DNAAF9: variants seen among roughly 807,000 people sequenced by gnomAD.
The protein encoded by DNAAF9 is dynein axonemal assembly factor 9.
DNAAF9 carries 90 observed loss-of-function variants against 167.0 expected under a neutral mutation model. That is an observed-to-expected ratio of 0.54 (90% CI 0.45 to 0.64). The LOEUF is 0.64. DNAAF9 is among the 30% of genes least tolerant of loss of function. The pLI is 0.00. For synonymous variants in DNAAF9, 491 were observed against 508.8 expected (o/e 0.96, Z 0.47); for missense variants, 1,315 against 1,442.2 (o/e 0.91, Z 1.43).
intron 1 of DNAAF9, among the ~76,000 whole-genome samples, chr20:3,397,598 G>A (rs1340631065): frequency 3.3e-5 from 5 of 152,150 alleles, no homozygotes; most frequent in African/African-American, 1.2e-4. Flanking sequence ...GATTACAGGC[G>A]TGAGCCACCA....
intron 31 of DNAAF9, among the ~76,000 whole-genome samples, chr20:3,260,598 G>GA (rs2068367323): frequency 7.1e-6 from 1 of 140,472 alleles, no homozygotes; most frequent in African/African-American, 2.8e-5. Flanking sequence ...TCCTGGTACG[G>GA]TGGGGGGCTC....
At chr20:3,328,869 CTTT>C (rs572740669) in intron 12 of DNAAF9, among the ~76,000 whole-genome samples, 61 of 136,790 alleles carry the variant, frequency 4.5e-4, no homozygotes, top group Admixed American at 7.4e-4. Context: ...CACAATTTTC[CTTT>C]TTTTTTTTTT....
intron 12 of DNAAF9, among the ~76,000 whole-genome samples, chr20:3,328,070 C>T (rs2069745021): frequency 1.3e-5 from 2 of 152,212 alleles, no homozygotes; most frequent in South Asian, 4.1e-4. Flanking sequence ...GGTACCAACA[C>T]TGGTCAGGCC....
chr20:3,355,930 A>C (rs2083280447), intron 7 of DNAAF9, among the ~76,000 whole-genome samples: 1 of 151,772 alleles, frequency 6.6e-6, no homozygotes, highest in African/African-American at 2.4e-5. Flanking sequence ...TTTTTGTTTT[A>C]AGCTAATTTC....
At chr20:3,376,776 G>C (rs1242213620) in intron 3 of DNAAF9, among the ~76,000 whole-genome samples, 1 of 152,174 alleles carries the variant, frequency 6.6e-6, no homozygotes, top group Non-Finnish European at 1.5e-5. Flanking sequence ...TAAAGATCTG[G>C]AATCAGGGCT....
At chr20:3,336,775 C>T (rs1327129439) in intron 10 of DNAAF9, among the ~76,000 whole-genome samples, 1 of 151,758 alleles carries the variant, frequency 6.6e-6, no homozygotes, top group African/African-American at 2.4e-5. Context: ...TGGTCTTGAA[C>T]TCCTGACCTC....
chr20:3,401,059 C>T (rs6115872), intron 1 of DNAAF9, among the ~76,000 whole-genome samples: 6,871 of 152,090 alleles, frequency 0.045, 448 homozygotes, highest in East Asian at 0.16. Context: ...CCATCTGTAC[C>T]GTAGTTATTA....
At chr20:3,334,354 A>G (rs1238268582) in intron 10 of DNAAF9, among the ~76,000 whole-genome samples, 1 of 152,118 alleles carries the variant, frequency 6.6e-6, no homozygotes, top group Non-Finnish European at 1.5e-5. Flanking sequence ...TCCCTCTCCA[A>G]ATGAATAGTT....
At chr20:3,308,497 C>G (rs1218208735) in intron 20 of DNAAF9, among the ~76,000 whole-genome samples, 1 of 151,482 alleles carries the variant, frequency 6.6e-6, no homozygotes, top group African/African-American at 2.4e-5. Flanking sequence ...CATGCGCCAC[C>G]ACGGTCCAGC....
intron 6 of DNAAF9, among the ~76,000 whole-genome samples, chr20:3,369,508 C>T (rs913997927): frequency 2.0e-5 from 3 of 152,014 alleles, no homozygotes; most frequent in Admixed American, 6.5e-5. Flanking sequence ...TCCCAGGTAG[C>T]TGGGACTACA....
intron 7 of DNAAF9, among the ~76,000 whole-genome samples, chr20:3,356,849 CCAA>C (rs2123165861): frequency 6.6e-6 from 1 of 151,964 alleles, no homozygotes; most frequent in South Asian, 2.1e-4. Context: ...ATGACCAGGG[CCAA>C]CATCAGTGTA....
At chr20:3,343,999 CAAAAAAGA>C (rs904072896) in intron 8 of DNAAF9, among the ~76,000 whole-genome samples, 12 of 149,828 alleles carry the variant, frequency 8.0e-5, no homozygotes, top group Non-Finnish European at 1.5e-4. Context: ...AAAATAATAC[CAAAAAAGA>C]AAAAAAGACA....
chr20:3,373,686 AG>A (rs1245204241), intron 6 of DNAAF9, among the ~76,000 whole-genome samples: 7 of 152,220 alleles, frequency 4.6e-5, no homozygotes, highest in African/African-American at 1.7e-4. Flanking sequence ...TACAAAGACC[AG>A]GGTGGATGGG....
chr20:3,289,677 G>A (rs1354425527), intron 26 of DNAAF9, among the ~76,000 whole-genome samples: 2 of 151,880 alleles, frequency 1.3e-5, no homozygotes, highest in East Asian at 1.9e-4. Context: ...ATGCCACCAC[G>A]TTCGGCTAAT....
chr20:3,319,741 A>G lies in DNAAF9; in HGVS notation c.1357-1341T>C, dbSNP rs150869404. On this transcript the variant is annotated intron_variant, in intron 16 of 36. Coordinates refer to ENST00000252032, the MANE Select transcript of DNAAF9 (RefSeq NM_001009984.3). Reference sequence around the variant, plus strand: ...TAAAGAGGCCACAAGGTTGAAAGGAAAAAAACCACAGTTAAGGCCAAAGCC... The same window carrying G: ...TAAAGAGGCCACAAGGTTGAAAGGAGAAAAACCACAGTTAAGGCCAAAGCC... 1.6e-3 allele frequency among the ~76,000 whole-genome samples: 249 copies of G among 152,350 alleles called. 2 individuals are homozygous for G. Among genetic ancestry groups the G allele is most frequent in the African/African-American group, 5.7e-3 (239 of 41,588 alleles).
intron 21 of DNAAF9, among the ~76,000 whole-genome samples, chr20:3,298,582 A>G (rs111475976): frequency 1.3e-5 from 2 of 151,966 alleles, no homozygotes; most frequent in African/African-American, 2.4e-5. Context: ...GGCCTCCCCA[A>G]GTGTTGGGAT....
chr20:3,315,031 A>C lies in DNAAF9; in HGVS notation c.1678+2T>G, dbSNP rs1428019013. ...AAAAACATTAAAGTCATAGCTCCTT[A>C]CCTTCCTCAGGCCAGGACTGTAGAT... On this transcript the variant is annotated splice_donor_variant, in intron 20 of 36. Coordinates refer to ENST00000252032, the MANE Select transcript of DNAAF9 (RefSeq NM_001009984.3). LOFTEE classifies it high-confidence loss of function. The surrounding 1 kb of genome is among the most constrained non-coding windows in gnomAD (Gnocchi z 4.1). 1 of 1,579,842 alleles carries C rather than the reference A, an allele frequency of 6.3e-7. No individual in the cohort carries two copies. Among genetic ancestry groups the C allele is most frequent in the Admixed American group, 1.7e-5 (1 of 59,930 alleles).
intron 17 of DNAAF9, among the ~76,000 whole-genome samples, 182 bp downstream of exon 17, chr20:3,318,107 T>C (rs1021676273): frequency 1.0e-4 from 15 of 146,414 alleles, no homozygotes; most frequent in Non-Finnish European, 1.5e-4. Context: ...TGTTTCTCTT[T>C]TTTTTTTTTT....
At chr20:3,309,357 G>A (rs935259391) in intron 20 of DNAAF9, among the ~76,000 whole-genome samples, 1 of 152,228 alleles carries the variant, frequency 6.6e-6, no homozygotes, top group East Asian at 1.9e-4. Flanking sequence ...TCAGCCTCCA[G>A]ACTGTGAGAA....
Sources: allele counts gnomAD v4.1 joint callset (sites outside exome capture counted in the v4.1 genomes callset), GRCh38; gene constraint gnomAD v4.1.1; non-coding constraint Gnocchi (gnomAD v3.1); transcripts MANE v1.5; gene names NCBI Gene and HGNC (gene_info 2026-07-23, HGNC 2026-07-21).